NTSR1: variants seen among roughly 807,000 people sequenced by gnomAD.
The protein encoded by NTSR1 is neurotensin receptor type 1.
A neutral mutation model predicts 31.2 loss-of-function variants in NTSR1; 29 were observed. The observed-to-expected ratio is 0.93, with a 90% CI of 0.69 to 1.27. The LOEUF is 1.27. Ranked by LOEUF, NTSR1 falls within the 50% of genes most tolerant of loss-of-function variation. The pLI is 0.00. For missense variants in NTSR1, 697 were observed against 595.4 expected, an observed-to-expected ratio of 1.17 and a Z score of -1.78; for synonymous variants, 282 against 269.9, an observed-to-expected ratio of 1.04 and a Z score of -0.44.
rs2147128858 is a variant in NTSR1, at chr20:62,708,910, A to C, written c.-298A>C. Reference sequence around the variant, plus strand: ...GCCTGGGGAACCGCGCGGTTTGGAGATCGGAGGCACCTGGAACCCGTGGCA... The same window carrying C: ...GCCTGGGGAACCGCGCGGTTTGGAGCTCGGAGGCACCTGGAACCCGTGGCA... On this transcript the variant is annotated 5_prime_UTR_variant, in exon 1 of 4. Coordinates refer to ENST00000370501, the MANE Select transcript of NTSR1 (RefSeq NM_002531.3). This position sits in a 1 kb window ranked among gnomAD's most constrained non-coding sequence, Gnocchi z 5.9. The C allele has an allele frequency of 2.9e-6, 1 of 342,928 alleles. No homozygotes were observed. The highest frequency in any genetic ancestry group is 1.0e-4 in the South Asian group (1 of 9,732). 21.2% of individuals were successfully genotyped at this position (342,928 alleles called of 1,614,324 possible).
At chr20:62,720,349 C>T (rs935288727) in intron 1 of NTSR1, among the ~76,000 whole-genome samples, 5 of 152,192 alleles carry the variant, frequency 3.3e-5, no homozygotes, top group African/African-American at 1.2e-4. Flanking sequence ...TTATATATTT[C>T]TCCTTGAGTA....
chr20:62,713,277 G>T, intron 1 of NTSR1, among the ~76,000 whole-genome samples: 1 of 152,094 alleles, frequency 6.6e-6, no homozygotes, highest in South Asian at 2.1e-4. Flanking sequence ...AGTGCTCTTC[G>T]CTGGGTTAGA....
chr20:62,737,034 A>G (rs914269812), intron 1 of NTSR1, among the ~76,000 whole-genome samples: 2 of 152,250 alleles, frequency 1.3e-5, no homozygotes, highest in Non-Finnish European at 2.9e-5. Flanking sequence ...CCAGCCCTGC[A>G]GAACTGTGAG....
chr20:62,714,316 CT>C lies in NTSR1; in HGVS notation c.714+4398del, dbSNP rs1439762077. On this transcript the variant is annotated intron_variant, in intron 1 of 3. Transcript: ENST00000370501. This position sits in a 1 kb window ranked among gnomAD's most constrained non-coding sequence, Gnocchi z 4.1. ...CTTCCTCCAGTCTGAGCCCATGACC[CT>C]TTAGAGGAAAGGAATGGAGTATTTT... Among the ~76,000 whole-genome samples, 1 of 152,198 alleles carries C rather than the reference CT, an allele frequency of 6.6e-6. No homozygotes were observed.
chr20:62,749,236 T>A (rs1350027366), intron 1 of NTSR1, among the ~76,000 whole-genome samples: 1 of 152,088 alleles, frequency 6.6e-6, no homozygotes, highest in Non-Finnish European at 1.5e-5. Context: ...GGTCAGGAGA[T>A]CGAGACCATC....
At position 62,732,044 on chromosome 20, in the gene NTSR1, C is replaced by T. The variant is rs1027986006; in HGVS notation, c.714+22123C>T. On this transcript the variant is annotated intron_variant, in intron 1 of 3. Coordinates refer to ENST00000370501, the MANE Select transcript of NTSR1 (RefSeq NM_002531.3). The surrounding 1 kb of genome is among the most constrained non-coding windows in gnomAD (Gnocchi z 4.0). Reference sequence around the variant, plus strand: ...CTGAGGCAGGAGAATCACTTGAACCCAGGAGGCAGAGGCTGCAGTGAGCCA... The same window carrying T: ...CTGAGGCAGGAGAATCACTTGAACCTAGGAGGCAGAGGCTGCAGTGAGCCA... Among the ~76,000 whole-genome samples, 5 of 151,284 alleles carry T rather than the reference C, an allele frequency of 3.3e-5. No individual in the cohort carries two copies. The highest frequency in any genetic ancestry group is 7.4e-5 in the Non-Finnish European group (5 of 67,968).
At chr20:62,721,736 C>T (rs1369363789) in intron 1 of NTSR1, among the ~76,000 whole-genome samples, 2 of 152,234 alleles carry the variant, frequency 1.3e-5, no homozygotes, top group East Asian at 1.9e-4. Context: ...CAGCTCTCAC[C>T]TCTCTGAGAT....
At chr20:62,728,130 G>A (rs960247073) in intron 1 of NTSR1, among the ~76,000 whole-genome samples, 2 of 152,194 alleles carry the variant, frequency 1.3e-5, no homozygotes, top group African/African-American at 4.8e-5. Context: ...GTGTGGACTG[G>A]ACAGCAGGGA....
At chr20:62,751,901 T>G (rs893669127) in intron 1 of NTSR1, among the ~76,000 whole-genome samples, 9 of 152,314 alleles carry the variant, frequency 5.9e-5, no homozygotes, top group Middle Eastern at 6.8e-3. Flanking sequence ...CCATCACAGA[T>G]GGAGCTTCTG....
chr20:62,754,332 C>G (rs1313767209), intron 1 of NTSR1, among the ~76,000 whole-genome samples: 1 of 152,204 alleles, frequency 6.6e-6, no homozygotes, highest in African/African-American at 2.4e-5. Flanking sequence ...CATGTCCAGA[C>G]CTGGGAACCT....
intron 1 of NTSR1, among the ~76,000 whole-genome samples, chr20:62,750,552 A>G (rs957520855): frequency 1.3e-5 from 2 of 151,890 alleles, no homozygotes; most frequent in Non-Finnish European, 2.9e-5. Context: ...TTAGCTGGGC[A>G]TGGTGGCGGG....
chr20:62,717,517 A>G (rs1260896299), intron 1 of NTSR1, among the ~76,000 whole-genome samples: 3 of 152,152 alleles, frequency 2.0e-5, no homozygotes, highest in East Asian at 3.9e-4. Flanking sequence ...GTTTCCCCAT[A>G]AGCCAACTGG....
At chr20:62,746,716 C>T (rs78415650) in intron 1 of NTSR1, among the ~76,000 whole-genome samples, 5,173 of 152,184 alleles carry the variant, frequency 0.034, 206 homozygotes, top group African/African-American at 0.097. Context: ...GAGTCAATCG[C>T]GAGAAATGGA....
chr20:62,709,131 G>T lies in NTSR1; in HGVS notation c.-77G>T, dbSNP rs549586411. 8.7e-5 allele frequency: 105 copies of T among 1,207,670 alleles called. No homozygotes were observed. The African/African-American group carries it at 1.5e-3, about 17-fold the overall frequency. The allele number at this position is 1,207,670 out of a possible 1,614,324, so 74.8% of individuals were successfully genotyped here. ...CCTGGGCTCCCGTTCATCGGTCCCC[G>T]CCTGAGACGCGCCCACTCCTGCCCG... On this transcript the variant is annotated 5_prime_UTR_variant, in exon 1 of 4. Coordinates refer to ENST00000370501, the MANE Select transcript of NTSR1 (RefSeq NM_002531.3).
chr20:62,737,158 G>A (rs527485988), intron 1 of NTSR1, among the ~76,000 whole-genome samples: 11 of 152,312 alleles, frequency 7.2e-5, no homozygotes, highest in African/African-American at 1.7e-4. Context: ...TGGATGGTGC[G>A]ATGATCAGCC....
chr20:62,713,780 C>G (rs938554631), intron 1 of NTSR1, among the ~76,000 whole-genome samples: 10 of 152,240 alleles, frequency 6.6e-5, no homozygotes, highest in Non-Finnish European at 1.5e-4. Context: ...TGCAACTGTT[C>G]TGCAGTAGGA....
intron 1 of NTSR1, among the ~76,000 whole-genome samples, chr20:62,726,408 G>A (rs1381970962): frequency 1.3e-5 from 2 of 152,174 alleles, no homozygotes; most frequent in Admixed American, 1.3e-4. Context: ...TCCGAGACCA[G>A]GCCCAGGAGT....
At chr20:62,724,876 G>C (rs950850167) in intron 1 of NTSR1, among the ~76,000 whole-genome samples, 1 of 152,170 alleles carries the variant, frequency 6.6e-6, no homozygotes, top group African/African-American at 2.4e-5. Flanking sequence ...CTGTCTCCAC[G>C]TGGCTTCCCC....
chr20:62,759,739 T>A (rs149513817), intron 3 of NTSR1, among the ~76,000 whole-genome samples: 4 of 142,020 alleles, frequency 2.8e-5, no homozygotes, highest in Non-Finnish European at 4.5e-5. Flanking sequence ...CGCGCCACTG[T>A]ACTCCAGCCT....
Sources: gnomAD v4.1 joint callset for allele counts (sites outside exome capture counted in the v4.1 genomes callset) on GRCh38, gnomAD v4.1.1 for gene constraint, Gnocchi (gnomAD v3.1) non-coding constraint, MANE v1.5 for transcripts, NCBI Gene and HGNC (gene_info 2026-07-23, HGNC 2026-07-21) for gene names.